The following CTNNA3 variants were observed in gnomAD, a reference collection of about 807,000 sequenced individuals.
CTNNA3 encodes the protein catenin alpha 3.
In CTNNA3, 76 loss-of-function variants were observed where a neutral mutation model predicts 95.7. The ratio of observed to expected loss-of-function variants is 0.79; its 90% CI spans 0.66 to 0.96. CTNNA3 has a LOEUF of 0.96. Among genes scored for constraint, CTNNA3 ranks in the 40% least tolerant of loss-of-function variants. The pLI is 0.00. For missense variants in CTNNA3, 1,191 were observed against 1,089.8 expected (o/e 1.09, Z -1.31); for synonymous variants, 431 against 374.4 (o/e 1.15, Z -1.74).
intron 9 of CTNNA3, among the ~76,000 whole-genome samples, chr10:66,721,854 C>T (rs192194711): frequency 5.5e-4 from 84 of 152,254 alleles, no homozygotes; most frequent in Non-Finnish European, 1.0e-3. Context: ...TGTTAATCCT[C>T]ATGCTGTCAT....
chr10:66,569,710 CT>C (rs775902605), intron 10 of CTNNA3, among the ~76,000 whole-genome samples: 177 of 152,160 alleles, frequency 1.2e-3, no homozygotes, highest in Non-Finnish European at 2.2e-3. Context: ...AATATATCAG[CT>C]TGTACAGTCA....
chr10:67,003,815 T>C (rs1851815315), intron 7 of CTNNA3, among the ~76,000 whole-genome samples: 1 of 152,168 alleles, frequency 6.6e-6, no homozygotes, highest in Non-Finnish European at 1.5e-5. Flanking sequence ...TAGATTCATG[T>C]GTTGTCTCTA....
intron 11 of CTNNA3, among the ~76,000 whole-genome samples, chr10:66,447,899 A>T (rs529986757): frequency 1.3e-5 from 2 of 152,284 alleles, no homozygotes; most frequent in East Asian, 3.9e-4. Context: ...AACCTACAAA[A>T]TAGGAGAATA....
chr10:67,141,363 C>T (rs1860557013), intron 7 of CTNNA3, among the ~76,000 whole-genome samples: 1 of 151,970 alleles, frequency 6.6e-6, no homozygotes, highest in Non-Finnish European at 1.5e-5. Context: ...TTCTATCTTT[C>T]CAACCAAAGC....
At chr10:67,145,815 A>G (rs917494143) in intron 7 of CTNNA3, among the ~76,000 whole-genome samples, 5 of 152,224 alleles carry the variant, frequency 3.3e-5, no homozygotes, top group African/African-American at 1.2e-4. Flanking sequence ...TAATAGGAAC[A>G]AAGTTACCAC....
At chr10:66,086,490 T>C (rs551300883) in intron 14 of CTNNA3, among the ~76,000 whole-genome samples, 1 of 151,974 alleles carries the variant, frequency 6.6e-6, no homozygotes, top group African/African-American at 2.4e-5. Flanking sequence ...GGCATGCGAA[T>C]TTTTTTTAAA....
intron 17 of CTNNA3, among the ~76,000 whole-genome samples, chr10:65,928,712 A>G (rs1396930235): frequency 6.6e-6 from 1 of 152,086 alleles, no homozygotes; most frequent in Non-Finnish European, 1.5e-5. Context: ...TCATACCCTC[A>G]CTCCATCTAC....
At position 67,564,677 on chromosome 10, in the gene CTNNA3, G is replaced by GTATGTATATATA. The variant is rs1554854250; in HGVS notation, c.293-25009_293-25008insTATATATACATA. Among the ~76,000 whole-genome samples, 106 of 61,306 alleles carry GTATGTATATATA rather than the reference G, an allele frequency of 1.7e-3. 2 individuals carry two copies. The highest frequency in any genetic ancestry group is 6.5e-3 in the African/African-American group (102 of 15,660). 40.2% of individuals were successfully genotyped at this position (61,306 alleles called of 152,430 possible). On this transcript the variant is annotated intron_variant, in intron 3 of 17. Transcript: ENST00000433211. The stretch of plus-strand genomic sequence containing the variant: ...TATATGCATATATGTGTGTGTGTGT[G>GTATGTATATATA]TATATATATATATATATATATATAT...
chr10:66,127,718 G>A (rs2133836886), intron 13 of CTNNA3, among the ~76,000 whole-genome samples: 1 of 152,304 alleles, frequency 6.6e-6, no homozygotes, highest in African/African-American at 2.4e-5. Flanking sequence ...TTTAACAAAA[G>A]TACTATATGA....
chr10:66,525,211 G>A (rs1165721144), intron 10 of CTNNA3, among the ~76,000 whole-genome samples: 5 of 150,350 alleles, frequency 3.3e-5, no homozygotes, highest in Non-Finnish European at 4.4e-5. Context: ...TCAGATAAAA[G>A]AAAAAAAAAG....
intron 14 of CTNNA3, among the ~76,000 whole-genome samples, chr10:66,089,601 T>C (rs1484350223): frequency 6.6e-6 from 1 of 151,968 alleles, no homozygotes; most frequent in Non-Finnish European, 1.5e-5. Flanking sequence ...AAGTTACTGT[T>C]CTTTATAAAC....
chr10:65,927,231 T>G, intron 17 of CTNNA3, among the ~76,000 whole-genome samples: 1 of 152,176 alleles, frequency 6.6e-6, no homozygotes, highest in East Asian at 1.9e-4. Flanking sequence ...AATGAGGACT[T>G]ACTAGTCTTC....
intron 10 of CTNNA3, among the ~76,000 whole-genome samples, chr10:66,535,143 G>A (rs1386603649): frequency 1.3e-5 from 2 of 151,782 alleles, no homozygotes; most frequent in Admixed American, 6.6e-5. Context: ...CACTTTGTGA[G>A]TTTACTTCTT....
At chr10:67,418,477 CAG>C (rs780979820) in intron 5 of CTNNA3, among the ~76,000 whole-genome samples, 1 of 146,442 alleles carries the variant, frequency 6.8e-6, no homozygotes, top group Admixed American at 6.9e-5. Context: ...GATAAAGAAA[CAG>C]GGGTATACAC....
At chr10:67,339,535 C>T (rs1019194568) in intron 5 of CTNNA3, among the ~76,000 whole-genome samples, 2 of 152,042 alleles carry the variant, frequency 1.3e-5, no homozygotes, top group Non-Finnish European at 2.9e-5. Flanking sequence ...TATCCAACTC[C>T]GGTATTCCAT....
chr10:67,024,380 C>T (rs2133084286), intron 7 of CTNNA3, among the ~76,000 whole-genome samples: 1 of 152,310 alleles, frequency 6.6e-6, no homozygotes, highest in East Asian at 1.9e-4. Flanking sequence ...CATCAGTGAG[C>T]CCACCTGGAT....
intron 1 of CTNNA3, among the ~76,000 whole-genome samples, chr10:67,738,050 A>T (rs543190187): frequency 6.6e-6 from 1 of 152,332 alleles, no homozygotes; most frequent in South Asian, 2.1e-4. Flanking sequence ...TGATACTTCC[A>T]GGTATGAAGA....
At chr10:67,063,743 C>T (rs1855899718) in intron 7 of CTNNA3, among the ~76,000 whole-genome samples, 1 of 152,178 alleles carries the variant, frequency 6.6e-6, no homozygotes, top group South Asian at 2.1e-4. Flanking sequence ...TCTATATAAA[C>T]TCTTACATAC....
chr10:67,123,416 A>C (rs910170457), intron 7 of CTNNA3, among the ~76,000 whole-genome samples: 2 of 152,184 alleles, frequency 1.3e-5, no homozygotes, highest in Non-Finnish European at 1.5e-5. Context: ...AGCAGAGTCA[A>C]TTCACCACTG....
Sources: allele counts gnomAD v4.1 joint callset (sites outside exome capture counted in the v4.1 genomes callset), GRCh38; gene constraint gnomAD v4.1.1; transcripts MANE v1.5; gene names NCBI Gene and HGNC (gene_info 2026-07-23, HGNC 2026-07-21).